SLIT1: variants seen among roughly 807,000 people sequenced by gnomAD.
The protein encoded by SLIT1 is slit homolog 1 protein.
A neutral mutation model predicts 186.1 loss-of-function variants in SLIT1; 66 were observed. The observed-to-expected ratio is 0.35, with a 90% CI of 0.29 to 0.44. The LOEUF is 0.44. Ranked by LOEUF, SLIT1 falls within the 20% of genes least tolerant of loss-of-function variation. The probability of loss-of-function intolerance (pLI) is 1.00; values close to 1 mark genes in which losing one functional copy is unlikely to be tolerated. For synonymous variants in SLIT1, 761 were observed against 833.8 expected, an observed-to-expected ratio of 0.91 and a Z score of 1.50; for missense variants, 1,638 against 2,037.4, an observed-to-expected ratio of 0.80 and a Z score of 3.77.
intron 22 of SLIT1, among the ~76,000 whole-genome samples, chr10:97,037,106 G>A (rs1017565525): frequency 8.6e-5 from 13 of 150,788 alleles, no homozygotes; most frequent in Non-Finnish European, 1.9e-4. Flanking sequence ...GTGTATGTGT[G>A]TGTGTGTGAC....
At chr10:97,162,523 G>T (rs779879809) in intron 3 of SLIT1, among the ~76,000 whole-genome samples, 12 of 152,184 alleles carry the variant, frequency 7.9e-5, no homozygotes, top group Non-Finnish European at 1.2e-4. Context: ...TGAGGCGGGG[G>T]AATCGCTTGA....
Position 97,068,801 on chromosome 10 carries a change from A to G in SLIT1, c.414-2715T>C, listed in dbSNP as rs928368847. Among the ~76,000 whole-genome samples, 1 of 152,122 alleles carries G rather than the reference A, an allele frequency of 6.6e-6. No individual in the cohort carries two copies. The highest frequency in any genetic ancestry group is 2.4e-5 in the African/African-American group (1 of 41,404). On this transcript the variant is annotated intron_variant, in intron 4 of 36. Coordinates refer to ENST00000266058, the MANE Select transcript of SLIT1 (RefSeq NM_003061.3). This position sits in a 1 kb window ranked among gnomAD's most constrained non-coding sequence, Gnocchi z 4.2. ...GTAGTCTGTCAGTATTCCTGGAGAC[A>G]TTCCCCAGATTCCGCCCATTTAGGC...
intron 4 of SLIT1, among the ~76,000 whole-genome samples, chr10:97,138,079 T>A (rs562055188): frequency 2.6e-4 from 39 of 152,308 alleles, no homozygotes; most frequent in African/African-American, 9.4e-4. Flanking sequence ...ACTGCCTGGG[T>A]CCACTTATAT....
intron 8 of SLIT1, 44 bp downstream of exon 8, chr10:97,063,411 G>A: frequency 6.2e-7 from 1 of 1,606,100 alleles, no homozygotes; most frequent in Non-Finnish European, 8.5e-7. Flanking sequence ...AGGCAGGGCA[G>A]GAGGCGCCGG....
intron 4 of SLIT1, among the ~76,000 whole-genome samples, chr10:97,098,771 C>T (rs1471534925): frequency 1.3e-5 from 2 of 152,172 alleles, no homozygotes; most frequent in Non-Finnish European, 2.9e-5. Flanking sequence ...CCTCACGAGG[C>T]CACAATAGTC....
chr10:97,124,566 G>A lies in SLIT1; in HGVS notation c.413+33252C>T, dbSNP rs774419972. Reference sequence around the variant, plus strand: ...ACTGGGGTGCGCACCCGGCTTCCCAGGGGGAGACAAGACTTAGAAGCACTT... The same window carrying A: ...ACTGGGGTGCGCACCCGGCTTCCCAAGGGGAGACAAGACTTAGAAGCACTT... On this transcript the variant is annotated intron_variant, in intron 4 of 36. Transcript: ENST00000266058. 3.1e-4 allele frequency among the ~76,000 whole-genome samples: 47 copies of A among 152,312 alleles called. No homozygotes were observed. In the Middle Eastern group the frequency reaches 0.017, roughly 55 times the overall value.
At chr10:97,134,853 G>A (rs1849686900) in intron 4 of SLIT1, among the ~76,000 whole-genome samples, 1 of 152,156 alleles carries the variant, frequency 6.6e-6, no homozygotes, top group Non-Finnish European at 1.5e-5. Context: ...CATCAGGCAG[G>A]CCCTTGGATG....
At chr10:97,163,623 C>A (rs1311729256) in intron 2 of SLIT1, among the ~76,000 whole-genome samples, 172 bp from the exon 3 acceptor site, 1 of 152,250 alleles carries the variant, frequency 6.6e-6, no homozygotes, top group East Asian at 1.9e-4. Flanking sequence ...TGAGCGGACT[C>A]AATTTCCTTA....
intron 4 of SLIT1, among the ~76,000 whole-genome samples, chr10:97,132,060 G>C (rs1015409811): frequency 1.3e-5 from 2 of 152,138 alleles, no homozygotes; most frequent in East Asian, 1.9e-4. Flanking sequence ...ATGAAGCTCC[G>C]GGACGATGCC....
At chr10:97,152,375 G>A (rs1849890696) in intron 4 of SLIT1, among the ~76,000 whole-genome samples, 1 of 152,220 alleles carries the variant, frequency 6.6e-6, no homozygotes, top group South Asian at 2.1e-4. Flanking sequence ...ATCAATATGG[G>A]ACGCAGGTCC....
Position 97,043,037 on chromosome 10 carries a change from G to A in SLIT1, c.2028C>T (p.Asn676=). 6.2e-7 allele frequency: 1 copy of A among 1,614,168 alleles called. No individual in the cohort carries two copies. Among genetic ancestry groups the A allele is most frequent in the Non-Finnish European group, 8.5e-7 (1 of 1,179,992 alleles). ...LNLLANPFNC[N]CQLAWLGGWL... is the part of the protein sequence containing the mutation. ...AGCCTCCTAGCCAGGCCAGCTGGCA[G>A]TTGCAGTTGAAAGGGTTGGCCAGGA... Residue 676 remains asparagine (N), a synonymous_variant, in exon 20 of 37, where the codon AAC becomes AAT. Transcript: ENST00000266058. This position sits in a 1 kb window ranked among gnomAD's most constrained non-coding sequence, Gnocchi z 7.0.
At chr10:97,181,690 GA>G (rs202071842) in intron 1 of SLIT1, among the ~76,000 whole-genome samples, 3 of 150,924 alleles carry the variant, frequency 2.0e-5, no homozygotes, top group African/African-American at 4.9e-5. Context: ...TACAAAAAAG[GA>G]AAAAAAAAGA....
At chr10:97,116,298 C>G (rs564665295) in intron 4 of SLIT1, among the ~76,000 whole-genome samples, 3 of 152,260 alleles carry the variant, frequency 2.0e-5, no homozygotes, top group Non-Finnish European at 4.4e-5. Context: ...ATCCCCACCC[C>G]ACTTCACCTC....
At chr10:97,118,938 G>A (rs1686537921) in intron 4 of SLIT1, among the ~76,000 whole-genome samples, 2 of 152,194 alleles carry the variant, frequency 1.3e-5, no homozygotes, top group South Asian at 4.1e-4. Flanking sequence ...CACAACATAT[G>A]GCTTGGAGAG....
chr10:97,057,694 A>G (rs1171773797), intron 11 of SLIT1: 1 of 395,736 alleles, frequency 2.5e-6, no homozygotes. Context: ...TACAGGAAAA[A>G]ATAGAATGCC....
At chr10:97,003,320 C>G (rs2134585539) in intron 34 of SLIT1, among the ~76,000 whole-genome samples, 1 of 152,376 alleles carries the variant, frequency 6.6e-6, no homozygotes, top group Non-Finnish European at 1.5e-5. Flanking sequence ...CTAGCTTTTA[C>G]CTCCCAGAGA....
At chr10:97,128,004 AC>A (rs2134692527) in intron 4 of SLIT1, among the ~76,000 whole-genome samples, 1 of 152,198 alleles carries the variant, frequency 6.6e-6, no homozygotes, top group Non-Finnish European at 1.5e-5. Flanking sequence ...CAGCTCCCAC[AC>A]TGGCCTCCAA....
chr10:97,057,495 G>A (rs1376018068), intron 11 of SLIT1, among the ~76,000 whole-genome samples: 1 of 152,246 alleles, frequency 6.6e-6, no homozygotes, highest in African/African-American at 2.4e-5. Flanking sequence ...GTGCCCTATG[G>A]GCTAGAGATG....
At chr10:97,035,119 A>ACTGC (rs56855670) in intron 22 of SLIT1, among the ~76,000 whole-genome samples, 1 of 135,080 alleles carries the variant, frequency 7.4e-6, no homozygotes, top group African/African-American at 2.9e-5. Flanking sequence ...GACACAACTG[A>ACTGC]TCTCTCTTCT....
Sources: gnomAD v4.1 joint callset for allele counts (sites outside exome capture counted in the v4.1 genomes callset) on GRCh38, gnomAD v4.1.1 for gene constraint, Gnocchi (gnomAD v3.1) non-coding constraint, MANE v1.5 for transcripts, NCBI Gene and HGNC (gene_info 2026-07-23, HGNC 2026-07-21) for gene names.